Variants in SDK2 observed in about 807,000 individuals in gnomAD.
The protein encoded by SDK2 is sidekick cell adhesion molecule 2, also known as protein sidekick-2.
A neutral mutation model predicts 253.9 loss-of-function variants in SDK2; 105 were observed. That is an observed-to-expected ratio of 0.41 (90% CI 0.35 to 0.49). SDK2 has a LOEUF of 0.49. SDK2 is among the 20% of genes least tolerant of loss of function. SDK2 has a pLI of 0.06. For missense variants in SDK2, 2,608 were observed against 3,003.0 expected (o/e 0.87, Z 3.07); for synonymous variants, 1,249 against 1,234.9 (o/e 1.01, Z -0.24).
At chr17:73,388,379 G>C (rs1157105552) in intron 29 of SDK2, among the ~76,000 whole-genome samples, 2 of 152,200 alleles carry the variant, frequency 1.3e-5, no homozygotes, top group African/African-American at 2.4e-5. Flanking sequence ...GCCCTGCGCT[G>C]TCCCTGATTG....
At chr17:73,597,791 A>T (rs894577614) in intron 1 of SDK2, among the ~76,000 whole-genome samples, 3 of 151,252 alleles carry the variant, frequency 2.0e-5, no homozygotes, top group African/African-American at 7.3e-5. Context: ...GACTACAGGC[A>T]CCCGCCACCA....
intron 5 of SDK2, among the ~76,000 whole-genome samples, chr17:73,445,698 T>TGGCA (rs35240393): frequency 0.24 from 36,258 of 151,176 alleles, 5,135 homozygotes; most frequent in Non-Finnish European, 0.31. Context: ...ACAAATTGGT[T>TGGCA]GGCAGGCAGG....
At chr17:73,544,985 T>TTTCTTCCTTGGGCCTCCACTCC (rs926232708) in intron 1 of SDK2, among the ~76,000 whole-genome samples, 15,872 of 151,496 alleles carry the variant, frequency 0.1, 873 homozygotes, top group African/African-American at 0.14. Flanking sequence ...GTCAAGGCTC[T>TTTCTTCCTTGGGCCTCCACTCC]TTCTTCCTTG....
chr17:73,390,515 G>A (rs1363991474), intron 28 of SDK2, 34 bp from the exon 29 acceptor site: 2 of 1,575,618 alleles, frequency 1.3e-6, no homozygotes, highest in East Asian at 2.3e-5. Flanking sequence ...ATTATGGCAA[G>A]CAAGGCAAGC....
chr17:73,469,681 T>G (rs2063630142), intron 3 of SDK2, among the ~76,000 whole-genome samples: 1 of 152,096 alleles, frequency 6.6e-6, no homozygotes, highest in Admixed American at 6.6e-5. Flanking sequence ...CCCCCCACCC[T>G]GGGTTTGTGT....
intron 1 of SDK2, among the ~76,000 whole-genome samples, chr17:73,581,906 A>G (rs573346264): frequency 2.0e-5 from 3 of 152,312 alleles, no homozygotes; most frequent in African/African-American, 7.2e-5. Flanking sequence ...CACAGCCCAC[A>G]CTATCCCTCA....
chr17:73,360,047 A>T (rs2062627978), intron 39 of SDK2, among the ~76,000 whole-genome samples: 1 of 152,180 alleles, frequency 6.6e-6, no homozygotes, highest in Admixed American at 6.6e-5. Flanking sequence ...AAGCCTCAGG[A>T]TAGAACAGCC....
chr17:73,606,364 G>A (rs1019414863), intron 1 of SDK2, among the ~76,000 whole-genome samples: 8 of 152,008 alleles, frequency 5.3e-5, no homozygotes, highest in Non-Finnish European at 1.2e-4. Flanking sequence ...GTGGTCTGCT[G>A]AGCCCCTCCT....
Position 73,440,933 on chromosome 17 carries a change from G to C in SDK2, c.614-10C>G. 16 of 1,529,880 alleles carry C rather than the reference G, an allele frequency of 1.0e-5. No individual in the cohort carries two copies. Among genetic ancestry groups the C allele is most frequent in the Non-Finnish European group, 1.4e-5 (16 of 1,127,990 alleles). 94.8% of individuals were successfully genotyped at this position (1,529,880 alleles called of 1,614,324 possible). A position where few individuals can be genotyped will look rare whatever the true frequency, so the allele number is the denominator to read the frequency against. ...GCAGGCCCCCCTACATCTGGAGAGA[G>C]ATCAGATGTTAGCTGGGGGCGAGGC... On this transcript the variant is annotated splice_polypyrimidine_tract_variant and intron_variant, in intron 5 of 44. Transcript: ENST00000392650.
At position 73,386,464 on chromosome 17, in the gene SDK2, T is replaced by G. The variant is rs1167464311; in HGVS notation, c.4479A>C (p.Ser1493=). 3.3e-5 allele frequency: 52 copies of G among 1,558,348 alleles called. No homozygotes were observed. Among genetic ancestry groups the G allele is most frequent in the Non-Finnish European group, 4.5e-5 (52 of 1,150,846 alleles). The part of the protein sequence containing the change: ...GDSEFSEESE[S]LTTLQAAPDE... ...ACTGACCAGCCTGCAGGGTGGTCAG[T>G]GACTCCGACTCCTCGCTGAACTCGC... The change falls in exon 31 of 45, where the codon TCA becomes TCC. Residue 1493 remains serine, a synonymous_variant. Transcript: ENST00000392650.
chr17:73,405,340 C>G (rs113002782), intron 18 of SDK2, among the ~76,000 whole-genome samples: 1 of 124,576 alleles, frequency 8.0e-6, no homozygotes, highest in Non-Finnish European at 1.7e-5. Context: ...CTCTGGAGGC[C>G]GAGGCAGGAG....
At chr17:73,487,094 C>T (rs546875868) in intron 2 of SDK2, among the ~76,000 whole-genome samples, 44 of 152,198 alleles carry the variant, frequency 2.9e-4, no homozygotes, top group African/African-American at 9.4e-4. Context: ...CCACCATGCC[C>T]GGCTAATTTT....
chr17:73,545,103 AC>A, intron 1 of SDK2, among the ~76,000 whole-genome samples: 1 of 145,652 alleles, frequency 6.9e-6, no homozygotes, highest in Non-Finnish European at 1.5e-5. Context: ...GTGCACGCAC[AC>A]ACACACACAC....
intron 1 of SDK2, among the ~76,000 whole-genome samples, chr17:73,578,552 C>T (rs1361801881): frequency 2.6e-5 from 4 of 152,332 alleles, no homozygotes; most frequent in Admixed American, 2.0e-4. Flanking sequence ...CGGTGACACA[C>T]AGCAAACAGA....
At chr17:73,469,015 G>C (rs1240114956) in intron 3 of SDK2, among the ~76,000 whole-genome samples, 1 of 152,046 alleles carries the variant, frequency 6.6e-6, no homozygotes, top group Non-Finnish European at 1.5e-5. Context: ...AGTAGAGATG[G>C]GGTTTCACCA....
At chr17:73,454,384 G>A (rs2063508535) in intron 4 of SDK2, among the ~76,000 whole-genome samples, 1 of 152,252 alleles carries the variant, frequency 6.6e-6, no homozygotes, top group African/African-American at 2.4e-5. Flanking sequence ...GGAGTTGGCA[G>A]GGCTGGATGC....
rs1305112665 is a variant in SDK2 at position 73,496,033 on chromosome 17, G to T, written c.224+11405C>A. Among the ~76,000 whole-genome samples the T allele has an allele frequency of 2.0e-5, 3 of 152,166 alleles. No individual in the cohort carries two copies. The highest frequency in any genetic ancestry group is 7.2e-5 in the African/African-American group (3 of 41,440). On this transcript the variant is annotated intron_variant, in intron 2 of 44. Coordinates refer to ENST00000392650, the MANE Select transcript of SDK2 (RefSeq NM_001144952.2). This position sits in a 1 kb window ranked among gnomAD's most constrained non-coding sequence, Gnocchi z 4.7. ...CCAAAGGGCTGGAACAGGCAGATAGGATCTAGCCTCATTGAGGAAAAGGAA... is the reference window on the plus strand; with the variant it reads ...CCAAAGGGCTGGAACAGGCAGATAGTATCTAGCCTCATTGAGGAAAAGGAA...
chr17:73,487,178 C>T (rs1445571907), intron 2 of SDK2, among the ~76,000 whole-genome samples: 1 of 152,198 alleles, frequency 6.6e-6, no homozygotes, highest in Non-Finnish European at 1.5e-5. Flanking sequence ...AGGTGATCCA[C>T]CCGCCTCAGC....
In SDK2 at chr17:73,643,978, C is replaced by CCCAA; in HGVS notation, c.64+46_64+47insTTGG. ...CAGCTCCCGCCGCCCCTCCCCCGCC[C>CCCAA]ACTCTCCCAGCCCCCTCCCTGTCCC... On this transcript the variant is annotated intron_variant, in intron 1 of 44. Transcript: ENST00000392650. The surrounding 1 kb of genome is among the most constrained non-coding windows in gnomAD (Gnocchi z 6.9). The CCCAA allele has an allele frequency of 1.5e-5, 18 of 1,223,408 alleles. No individual in the cohort carries two copies. The highest frequency in any genetic ancestry group is 1.9e-5 in the Non-Finnish European group (16 of 858,346). 75.8% of individuals were successfully genotyped at this position (1,223,408 alleles called of 1,614,324 possible).
Sources: allele counts gnomAD v4.1 joint callset (sites outside exome capture counted in the v4.1 genomes callset), GRCh38; gene constraint gnomAD v4.1.1; non-coding constraint Gnocchi (gnomAD v3.1); transcripts MANE v1.5; gene names NCBI Gene and HGNC (gene_info 2026-07-23, HGNC 2026-07-21).